The following TTC7A variants were observed in gnomAD, a reference collection of about 807,000 sequenced individuals.
TTC7A encodes the protein tetratricopeptide repeat protein 7A.
A neutral mutation model predicts 103.7 loss-of-function variants in TTC7A; 110 were observed. The ratio of observed to expected loss-of-function variants is 1.06; its 90% CI spans 0.91 to 1.24. The LOEUF (loss-of-function observed/expected upper bound fraction) is 1.24. TTC7A is among the 50% of genes most tolerant of loss of function. The probability of loss-of-function intolerance (pLI) is 0.00; values close to 1 mark genes in which losing one functional copy is unlikely to be tolerated. For missense variants in TTC7A, 1,340 were observed against 1,116.3 expected, an observed-to-expected ratio of 1.20 and a Z score of -2.86; for synonymous variants, 521 against 467.9, an observed-to-expected ratio of 1.11 and a Z score of -1.47.
chr2:47,037,016 G>C (rs1681186584), intron 15 of TTC7A, among the ~76,000 whole-genome samples: 3 of 152,138 alleles, frequency 2.0e-5, no homozygotes, highest in Admixed American at 2.0e-4. Context: ...GGCCCTCCCT[G>C]CCCCATCCTA....
chr2:47,027,764 T>A (rs1385924070), intron 14 of TTC7A, among the ~76,000 whole-genome samples: 1 of 152,142 alleles, frequency 6.6e-6, no homozygotes, highest in Non-Finnish European at 1.5e-5. Flanking sequence ...CCAGGGACTC[T>A]GGGGTGTTTT....
chr2:47,066,623 T>C (rs1269035903), intron 19 of TTC7A, among the ~76,000 whole-genome samples: 1 of 152,220 alleles, frequency 6.6e-6, no homozygotes, highest in Non-Finnish European at 1.5e-5. Flanking sequence ...AGCCCTGCGT[T>C]ATGGGGGCGC....
intron 15 of TTC7A, among the ~76,000 whole-genome samples, chr2:47,029,957 G>A (rs1680346269): frequency 6.6e-6 from 1 of 152,228 alleles, no homozygotes; most frequent in East Asian, 1.9e-4. Context: ...CTGCCACCCA[G>A]CCAGGACACT....
Position 47,007,037 on chromosome 2 carries a change from G to A in TTC7A, c.1287+313G>A, listed in dbSNP as rs971462804. 6.6e-6 allele frequency among the ~76,000 whole-genome samples: 1 copy of A among 152,188 alleles called. No individual in the cohort carries two copies. The highest frequency in any genetic ancestry group is 1.9e-4 in the East Asian group (1 of 5,194). Reference sequence around the variant, plus strand: ...TAATGTGACTGCATGTGGTGGATATGAGGTGCATCCAGGTGAGTGAACATT... The same window carrying A: ...TAATGTGACTGCATGTGGTGGATATAAGGTGCATCCAGGTGAGTGAACATT... On this transcript the variant is annotated intron_variant, in intron 10 of 19. Transcript: ENST00000319190. This position sits in a 1 kb window ranked among gnomAD's most constrained non-coding sequence, Gnocchi z 4.9.
intron 2 of TTC7A, among the ~76,000 whole-genome samples, chr2:46,922,926 A>G (rs1669181356): frequency 6.6e-6 from 1 of 152,174 alleles, no homozygotes; most frequent in African/African-American, 2.4e-5. Context: ...GGCCCCTAAA[A>G]CATCTGACTG....
At chr2:47,013,389 A>G (rs1444707616) in intron 11 of TTC7A, among the ~76,000 whole-genome samples, 1 of 152,170 alleles carries the variant, frequency 6.6e-6, no homozygotes, top group Non-Finnish European at 1.5e-5. Context: ...GGGTGGAGAT[A>G]TGAGCCAGAG....
At chr2:47,067,053 A>G (rs996286634) in intron 19 of TTC7A, among the ~76,000 whole-genome samples, 2 of 152,126 alleles carry the variant, frequency 1.3e-5, no homozygotes. Flanking sequence ...TTTTACCAGG[A>G]ACCCCCTCCC....
intron 19 of TTC7A, among the ~76,000 whole-genome samples, chr2:47,070,395 C>G (rs1336233784): frequency 6.6e-6 from 1 of 152,238 alleles, no homozygotes; most frequent in Non-Finnish European, 1.5e-5. Context: ...GATCGGAGGT[C>G]CACATCTGTG....
intron 3 of TTC7A, among the ~76,000 whole-genome samples, chr2:46,971,077 G>C (rs1673315264): frequency 6.6e-6 from 1 of 152,222 alleles, no homozygotes; most frequent in Non-Finnish European, 1.5e-5. Flanking sequence ...GACCAGGCTT[G>C]TGTTTTTTCA....
intron 11 of TTC7A, among the ~76,000 whole-genome samples, chr2:47,013,900 G>A (rs1678338868): frequency 2.0e-5 from 3 of 152,162 alleles, no homozygotes; most frequent in Admixed American, 1.3e-4. Context: ...TTTAAATCAG[G>A]CACAGGCCAG....
intron 2 of TTC7A, among the ~76,000 whole-genome samples, chr2:46,923,847 C>G (rs1222660651): frequency 3.9e-5 from 6 of 152,114 alleles, no homozygotes; most frequent in Non-Finnish European, 5.9e-5. Context: ...AATCTCTTGC[C>G]TCAGCCTCCA....
At chr2:47,068,818 A>G (rs1684399714) in intron 19 of TTC7A, among the ~76,000 whole-genome samples, 2 of 149,930 alleles carry the variant, frequency 1.3e-5, no homozygotes, top group African/African-American at 2.5e-5. Context: ...TCAGAATGAT[A>G]CTTGAGCACT....
chr2:47,007,949 C>G lies in TTC7A; in HGVS notation c.1287+1225C>G, dbSNP rs1425015580. Among the ~76,000 whole-genome samples, 1 of 152,220 alleles carries G rather than the reference C, an allele frequency of 6.6e-6. No individual in the cohort carries two copies. Among genetic ancestry groups the G allele is most frequent in the Non-Finnish European group, 1.5e-5 (1 of 68,042 alleles). ...CAAGGGTTAGAGAGTGAGAGAAACC[C>G]TCCTACAGAACTGCAGGCAAAGGAG... On this transcript the variant is annotated intron_variant, in intron 10 of 19. Coordinates refer to ENST00000319190, the MANE Select transcript of TTC7A (RefSeq NM_020458.4). The surrounding 1 kb of genome is among the most constrained non-coding windows in gnomAD (Gnocchi z 4.9).
At chr2:47,033,129 A>G (rs985169211) in intron 15 of TTC7A, among the ~76,000 whole-genome samples, 21 of 152,202 alleles carry the variant, frequency 1.4e-4, no homozygotes, top group African/African-American at 5.1e-4. Flanking sequence ...TTGCTCTTCG[A>G]TTGACACTGC....
intron 16 of TTC7A, 131 bp from the exon 17 acceptor site, chr2:47,049,818 C>T: frequency 1.5e-6 from 1 of 684,538 alleles, no homozygotes; most frequent in Non-Finnish European, 2.6e-6. Flanking sequence ...AACCCACAGC[C>T]CCAGAGCCTG....
intron 1 of TTC7A, among the ~76,000 whole-genome samples, chr2:46,944,874 C>A (rs966537725): frequency 1.3e-5 from 2 of 152,120 alleles, no homozygotes; most frequent in African/African-American, 4.8e-5. Flanking sequence ...AGCCACTGTA[C>A]CATTATTACA....
At chr2:46,951,896 T>C (rs1671449058) in intron 2 of TTC7A, among the ~76,000 whole-genome samples, 1 of 152,218 alleles carries the variant, frequency 6.6e-6, no homozygotes, top group South Asian at 2.1e-4. Flanking sequence ...TAAATAGCCT[T>C]CCTCCAAGGT....
rs1041638738 is a variant in TTC7A at position 46,941,570 on chromosome 2, A to T, written c.29A>T (p.Tyr10Phe). 1.2e-5 allele frequency: 19 copies of T among 1,557,164 alleles called. No homozygotes were observed. The highest frequency in any genetic ancestry group is 1.7e-5 in the Non-Finnish European group (19 of 1,151,076). The stretch of plus-strand genomic sequence containing the variant: ...GCTGCGAAGGGCGCGCACGGCTCCT[A>T]CCTGAAGGTGGAGAGCGAGCTGGAG... Reference protein sequence around the residue: MAAKGAHGSYLKVESELERC... With the variant: MAAKGAHGSFLKVESELERC... The change falls in exon 1 of 20, where the codon TAC becomes TTC. Residue 10 changes from tyrosine to phenylalanine, a missense_variant. Coordinates refer to ENST00000319190, the MANE Select transcript of TTC7A (RefSeq NM_020458.4). The surrounding 1 kb of genome is among the most constrained non-coding windows in gnomAD (Gnocchi z 4.2).
At chr2:46,969,997 T>C (rs1452586162) in intron 3 of TTC7A, among the ~76,000 whole-genome samples, 1 of 151,992 alleles carries the variant, frequency 6.6e-6, no homozygotes, top group East Asian at 1.9e-4. Context: ...TGCTTTGAGC[T>C]TTTTTTTAAA....
Sources: gnomAD v4.1 joint callset for allele counts (sites outside exome capture counted in the v4.1 genomes callset) on GRCh38, gnomAD v4.1.1 for gene constraint, Gnocchi (gnomAD v3.1) non-coding constraint, MANE v1.5 for transcripts, NCBI Gene and HGNC (gene_info 2026-07-23, HGNC 2026-07-21) for gene names.